ERBB4: variants seen among roughly 807,000 people sequenced by gnomAD.
ERBB4 encodes the protein receptor tyrosine-protein kinase erbB-4.
In ERBB4, 42 loss-of-function variants were observed where a neutral mutation model predicts 158.0. The observed-to-expected ratio is 0.27, with a 90% CI of 0.21 to 0.34. ERBB4 has a LOEUF of 0.34. Ranked by LOEUF, ERBB4 falls within the 10% of genes least tolerant of loss-of-function variation. The pLI is 1.00. For synonymous variants in ERBB4, 583 were observed against 558.7 expected, an observed-to-expected ratio of 1.04 and a Z score of -0.61; for missense variants, 1,333 against 1,624.1, an observed-to-expected ratio of 0.82 and a Z score of 3.08.
At chr2:211,507,252 T>C (rs1209944596) in intron 20 of ERBB4, among the ~76,000 whole-genome samples, 1 of 152,094 alleles carries the variant, frequency 6.6e-6, no homozygotes, top group Non-Finnish European at 1.5e-5. Context: ...CAGGACCAGA[T>C]GGATTCATAG....
At chr2:211,657,862 T>G in intron 15 of ERBB4, 34 bp from the exon 16 acceptor site, 12 of 1,608,432 alleles carry the variant, frequency 7.5e-6, no homozygotes, top group Non-Finnish European at 9.4e-6. Flanking sequence ...AACATCATTC[T>G]CCATCCACAG....
intron 3 of ERBB4, among the ~76,000 whole-genome samples, chr2:211,936,346 C>T (rs1405469280): frequency 1.3e-5 from 2 of 151,408 alleles, no homozygotes; most frequent in South Asian, 2.1e-4. Context: ...AAAATCAAAC[C>T]TTTGATTTTC....
At chr2:211,831,873 A>G (rs1214119788) in intron 3 of ERBB4, among the ~76,000 whole-genome samples, 1 of 151,994 alleles carries the variant, frequency 6.6e-6, no homozygotes, top group Non-Finnish European at 1.5e-5. Flanking sequence ...ATTGCACTCC[A>G]ACCTGGGCAA....
chr2:212,365,608 T>C lies in ERBB4; in HGVS notation c.82+172841A>G, dbSNP rs562725483. ...ATATTTCCTTAGCTACAAATAGCTT[T>C]ATGAGGTATAAAAAAAGAAGAAGTA... On this transcript the variant is annotated intron_variant, in intron 1 of 27. Coordinates refer to ENST00000342788, the MANE Select transcript of ERBB4 (RefSeq NM_005235.3). 3.9e-5 allele frequency among the ~76,000 whole-genome samples: 6 copies of C among 152,000 alleles called. No homozygotes were observed. The South Asian group carries it at 1.2e-3, about 31-fold the overall frequency.
At chr2:212,357,140 T>A (rs940401402) in intron 1 of ERBB4, among the ~76,000 whole-genome samples, 1 of 151,880 alleles carries the variant, frequency 6.6e-6, no homozygotes, top group Admixed American at 6.6e-5. Context: ...GTCTCTCAGC[T>A]TTTGCTTTTT....
intron 3 of ERBB4, among the ~76,000 whole-genome samples, chr2:211,851,134 T>C (rs764517860): frequency 2.6e-5 from 4 of 151,960 alleles, no homozygotes; most frequent in Non-Finnish European, 4.4e-5. Flanking sequence ...ACACTTTTTG[T>C]TTTGAATAAA....
At chr2:211,598,392 G>C (rs1220623544) in intron 19 of ERBB4, among the ~76,000 whole-genome samples, 4 of 152,162 alleles carry the variant, frequency 2.6e-5, no homozygotes, top group Admixed American at 1.3e-4. Context: ...AGAAATAGAG[G>C]AAAGTTGCAG....
chr2:211,888,311 A>G (rs2078858619), intron 3 of ERBB4, among the ~76,000 whole-genome samples: 1 of 151,748 alleles, frequency 6.6e-6, no homozygotes, highest in Non-Finnish European at 1.5e-5. Context: ...ATGGTACATT[A>G]GCATAAAGCT....
intron 1 of ERBB4, among the ~76,000 whole-genome samples, chr2:212,140,984 T>C (rs1036922669): frequency 6.6e-6 from 1 of 151,654 alleles, no homozygotes; most frequent in African/African-American, 2.4e-5. Context: ...TATAATATTG[T>C]TTCTATTTTA....
chr2:212,151,803 C>T lies in ERBB4; in HGVS notation c.83-26900G>A, dbSNP rs112878355. 9.7e-3 allele frequency among the ~76,000 whole-genome samples: 1,477 copies of T among 152,176 alleles called. 17 individuals are homozygous for T. The highest frequency in any genetic ancestry group is 0.034 in the African/African-American group (1,399 of 41,518). ...ACTCAAGAGGCTGAGGCACGAGAAT[C>T]GTTTGAACCTGGGAGACGGAGGTTG... On this transcript the variant is annotated intron_variant, in intron 1 of 27. Transcript: ENST00000342788.
At chr2:211,556,193 G>A (rs747392422) in intron 20 of ERBB4, among the ~76,000 whole-genome samples, 3 of 152,070 alleles carry the variant, frequency 2.0e-5, no homozygotes, top group African/African-American at 4.8e-5. Flanking sequence ...GACAAAAAGG[G>A]GCATTACATA....
At position 211,378,644 on chromosome 2, in the gene ERBB4, T is replaced by A; in HGVS notation, c.*4971A>T. 4.3e-6 allele frequency: 1 copy of A among 232,168 alleles called. No individual in the cohort carries two copies. Among genetic ancestry groups the A allele is most frequent in the Non-Finnish European group, 8.5e-6 (1 of 117,050 alleles). The allele number at this position is 232,168 out of a possible 1,614,324, so 14.4% of individuals were successfully genotyped here. A position where few individuals can be genotyped will look rare whatever the true frequency, so the allele number is the denominator to read the frequency against. Reference sequence around the variant, plus strand: ...CCCAGAAGTATAAAAACTGGCCCCATTGTAATATCAGTAATAATGAGGTCT... The same window carrying A: ...CCCAGAAGTATAAAAACTGGCCCCAATGTAATATCAGTAATAATGAGGTCT... On this transcript the variant is annotated 3_prime_UTR_variant, in exon 28 of 28. Transcript: ENST00000342788.
At chr2:211,895,747 T>C (rs73073344) in intron 3 of ERBB4, among the ~76,000 whole-genome samples, 23,911 of 152,138 alleles carry the variant, frequency 0.16, 2,455 homozygotes, top group African/African-American at 0.29. Context: ...ATACACACTG[T>C]TAACCCTTCT....
chr2:212,066,254 A>G (rs896090406), intron 2 of ERBB4, among the ~76,000 whole-genome samples: 3 of 151,992 alleles, frequency 2.0e-5, no homozygotes, highest in African/African-American at 7.2e-5. Flanking sequence ...GGGTTTTCAA[A>G]AAGTATAATG....
At chr2:211,644,396 A>T (rs1226859929) in intron 16 of ERBB4, among the ~76,000 whole-genome samples, 1 of 151,946 alleles carries the variant, frequency 6.6e-6, no homozygotes, top group Non-Finnish European at 1.5e-5. Flanking sequence ...TGCCTAGGCG[A>T]TGTTATGATT....
intron 16 of ERBB4, among the ~76,000 whole-genome samples, chr2:211,652,957 G>T (rs1358087222): frequency 6.6e-6 from 1 of 151,586 alleles, no homozygotes; most frequent in Non-Finnish European, 1.5e-5. Flanking sequence ...GAGATTAAAA[G>T]AAATAAACAA....
chr2:212,002,792 C>G (rs1228656974), intron 2 of ERBB4, among the ~76,000 whole-genome samples: 1 of 152,042 alleles, frequency 6.6e-6, no homozygotes, highest in Admixed American at 6.6e-5. Flanking sequence ...GGCGGGGTGG[C>G]TCACGCCTGT....
chr2:211,815,033 C>G lies in ERBB4; in HGVS notation c.422-26874G>C, dbSNP rs184495759. ...TCCAGAGTAATTATAAATAATACCT[C>G]TTTTTCCTCTCAAAAGGCTTCTCGC... On this transcript the variant is annotated intron_variant, in intron 3 of 27. Transcript: ENST00000342788. Among the ~76,000 whole-genome samples, 5 of 152,260 alleles carry G rather than the reference C, an allele frequency of 3.3e-5. No homozygotes were observed. The East Asian group carries it at 9.6e-4, about 29-fold the overall frequency.
intron 1 of ERBB4, among the ~76,000 whole-genome samples, chr2:212,294,411 T>C (rs1208697720): frequency 3.9e-5 from 6 of 152,018 alleles, no homozygotes; most frequent in African/African-American, 1.4e-4. Context: ...ATCATCTGAT[T>C]TTTGTTGTTG....
Sources: gnomAD v4.1 joint callset for allele counts (sites outside exome capture counted in the v4.1 genomes callset) on GRCh38, gnomAD v4.1.1 for gene constraint, MANE v1.5 for transcripts, NCBI Gene and HGNC (gene_info 2026-07-23, HGNC 2026-07-21) for gene names.